The following EPHA5 variants were observed in gnomAD, a reference collection of about 807,000 sequenced individuals.
EPHA5 encodes the protein ephrin type-A receptor 5.
Under a neutral mutation model 105.0 loss-of-function variants are expected in EPHA5, and 60 were observed. That is an observed-to-expected ratio of 0.57 (90% CI 0.46 to 0.71). EPHA5 has a LOEUF of 0.71. Ranked by LOEUF, EPHA5 falls within the 30% of genes least tolerant of loss-of-function variation. The pLI is 0.00. For missense variants in EPHA5, 1,218 were observed against 1,274.7 expected, an observed-to-expected ratio of 0.96 and a Z score of 0.68; for synonymous variants, 513 against 449.1, an observed-to-expected ratio of 1.14 and a Z score of -1.80.
At position 65,323,354 on chromosome 4, in the gene EPHA5, G is replaced by T; in HGVS notation, c.*760C>A. The T allele has an allele frequency of 4.3e-6, 1 of 229,952 alleles. No homozygotes were observed. The highest frequency in any genetic ancestry group is 8.6e-6 in the Non-Finnish European group (1 of 115,942). The allele number at this position is 229,952 out of a possible 1,614,324, so 14.2% of individuals were successfully genotyped here. On this transcript the variant is annotated 3_prime_UTR_variant, in exon 17 of 17. Transcript: ENST00000613740. ...AATTGAAACACTATTAGAAATGCAA[G>T]CAGAATGGTAACACACACATGTGCA...
intron 1 of EPHA5, among the ~76,000 whole-genome samples, chr4:65,651,780 C>T (rs374417149): frequency 1.8e-4 from 28 of 152,060 alleles, no homozygotes; most frequent in South Asian, 1.2e-3. Flanking sequence ...AAAATCAATC[C>T]GAAATGTATA....
At chr4:65,632,607 G>C (rs946581366) in intron 2 of EPHA5, among the ~76,000 whole-genome samples, 2 of 150,650 alleles carry the variant, frequency 1.3e-5, no homozygotes, top group Admixed American at 6.6e-5. Flanking sequence ...TTAAATACCT[G>C]ATTATCAATC....
chr4:65,658,662 T>C lies in EPHA5; in HGVS notation c.181+10900A>G, dbSNP rs543169983. ...ATTCTAAGCCATATTGTTATAATAATCCCATTTCACAGACAAGAAAACAGA... is the reference window on the plus strand; with the variant it reads ...ATTCTAAGCCATATTGTTATAATAACCCCATTTCACAGACAAGAAAACAGA... On this transcript the variant is annotated intron_variant, in intron 1 of 16. Coordinates refer to ENST00000613740, the MANE Select transcript of EPHA5 (RefSeq NM_001281766.3). 3.9e-5 allele frequency among the ~76,000 whole-genome samples: 6 copies of C among 152,224 alleles called. No individual in the cohort carries two copies. The East Asian group carries it at 1.2e-3, about 29-fold the overall frequency.
At chr4:65,499,744 G>A (rs1270862938) in intron 3 of EPHA5, among the ~76,000 whole-genome samples, 1 of 151,234 alleles carries the variant, frequency 6.6e-6, no homozygotes, top group Non-Finnish European at 1.5e-5. Context: ...TCCTGTATTT[G>A]AGAAACTTTT....
At chr4:65,333,414 ATGAC>A (rs1720837254) in intron 15 of EPHA5, among the ~76,000 whole-genome samples, 1 of 151,488 alleles carries the variant, frequency 6.6e-6, no homozygotes, top group African/African-American at 2.4e-5. Flanking sequence ...AAACTACAAA[ATGAC>A]TGACCTCTTG....
intron 3 of EPHA5, among the ~76,000 whole-genome samples, chr4:65,528,643 G>A (rs1176608071): frequency 6.6e-6 from 1 of 152,154 alleles, no homozygotes; most frequent in Non-Finnish European, 1.5e-5. Flanking sequence ...CAAATAGGTA[G>A]AGTTGAGATT....
chr4:65,406,071 A>T (rs1722329217), intron 7 of EPHA5, among the ~76,000 whole-genome samples: 2 of 152,086 alleles, frequency 1.3e-5, no homozygotes, highest in African/African-American at 4.8e-5. Flanking sequence ...TGCTCCGTGT[A>T]TTAATCCATT....
At chr4:65,462,333 G>T (rs12498502) in intron 5 of EPHA5, among the ~76,000 whole-genome samples, 2 of 151,994 alleles carry the variant, frequency 1.3e-5, no homozygotes, top group South Asian at 2.1e-4. Context: ...AGTATTGCTA[G>T]GCATTTTGCA....
At chr4:65,336,679 T>G (rs1721218036) in intron 14 of EPHA5, among the ~76,000 whole-genome samples, 1 of 152,134 alleles carries the variant, frequency 6.6e-6, no homozygotes, top group African/African-American at 2.4e-5. Flanking sequence ...TTTATTATCA[T>G]CTGCTGATTT....
At chr4:65,329,029 T>G (rs575224713) in intron 16 of EPHA5, among the ~76,000 whole-genome samples, 13 of 151,418 alleles carry the variant, frequency 8.6e-5, no homozygotes, top group Non-Finnish European at 1.8e-4. Flanking sequence ...TTGCTCATTT[T>G]CTGAATAACC....
At chr4:65,369,688 C>G (rs903221057) in intron 8 of EPHA5, among the ~76,000 whole-genome samples, 1 of 152,118 alleles carries the variant, frequency 6.6e-6, no homozygotes, top group African/African-American at 2.4e-5. Flanking sequence ...AGTTATCTGG[C>G]TGGGCGTGGT....
Position 65,332,226 on chromosome 4 carries a change from C to A in EPHA5, c.2790-98G>T, listed in dbSNP as rs1720693422. The stretch of plus-strand genomic sequence containing the variant: ...ACTCATATTCAATGGATCTTTGAGT[C>A]TGTAAGTATATTTATAGAGGAAAAA... On this transcript the variant is annotated intron_variant, in intron 15 of 16. Transcript: ENST00000613740. The A allele has an allele frequency of 3.1e-6, 3 of 970,604 alleles. No individual in the cohort carries two copies. In the African/African-American group the frequency reaches 5.1e-5, roughly 17 times the overall value. 60.1% of individuals were successfully genotyped at this position (970,604 alleles called of 1,614,324 possible).
intron 4 of EPHA5, among the ~76,000 whole-genome samples, chr4:65,491,780 A>C (rs1233569563): frequency 6.6e-6 from 1 of 152,096 alleles, no homozygotes; most frequent in Non-Finnish European, 1.5e-5. Context: ...AAGGGTAACC[A>C]TATCTTATTT....
At chr4:65,639,119 CT>C (rs1403368795) in intron 2 of EPHA5, among the ~76,000 whole-genome samples, 1 of 152,098 alleles carries the variant, frequency 6.6e-6, no homozygotes, top group Non-Finnish European at 1.5e-5. Flanking sequence ...ATTTTTCAAA[CT>C]TGAGGGAAAT....
intron 3 of EPHA5, among the ~76,000 whole-genome samples, chr4:65,534,748 T>A (rs989449347): frequency 2.0e-5 from 3 of 152,242 alleles, no homozygotes; most frequent in Non-Finnish European, 2.9e-5. Context: ...CTATTACAGA[T>A]GCAATGTTCA....
chr4:65,376,143 C>T (rs369842138), intron 8 of EPHA5, among the ~76,000 whole-genome samples: 1 of 151,910 alleles, frequency 6.6e-6, no homozygotes, highest in Non-Finnish European at 1.5e-5. Context: ...CTAGAGAATA[C>T]ATCTAACAAT....
intron 8 of EPHA5, among the ~76,000 whole-genome samples, chr4:65,391,359 T>C (rs918501049): frequency 1.2e-4 from 18 of 152,110 alleles, no homozygotes; most frequent in Admixed American, 1.2e-3. Context: ...CTGCTTGAGA[T>C]TGAGTTGCTG....
intron 6 of EPHA5, among the ~76,000 whole-genome samples, chr4:65,416,775 T>A (rs933143741): frequency 1.3e-5 from 2 of 152,188 alleles, no homozygotes; most frequent in Non-Finnish European, 2.9e-5. Flanking sequence ...ACATAAGTTA[T>A]TGAAGAAAAT....
intron 5 of EPHA5, among the ~76,000 whole-genome samples, chr4:65,461,870 G>T (rs2149132383): frequency 6.6e-6 from 1 of 152,110 alleles, no homozygotes; most frequent in South Asian, 2.1e-4. Context: ...AAAAGCTAAT[G>T]AGGAAATATT....
Sources: gnomAD v4.1 joint callset for allele counts (sites outside exome capture counted in the v4.1 genomes callset) on GRCh38, gnomAD v4.1.1 for gene constraint, MANE v1.5 for transcripts, NCBI Gene and HGNC (gene_info 2026-07-23, HGNC 2026-07-21) for gene names.